The following CPEB3 variants were observed in gnomAD, a reference collection of about 807,000 sequenced individuals.
The protein encoded by CPEB3 is cytoplasmic polyadenylation element-binding protein 3.
A neutral mutation model predicts 67.2 loss-of-function variants in CPEB3; 20 were observed. The ratio of observed to expected loss-of-function variants is 0.30; its 90% CI spans 0.21 to 0.43. The LOEUF (loss-of-function observed/expected upper bound fraction) is 0.43. Ranked by LOEUF, CPEB3 falls within the 20% of genes least tolerant of loss-of-function variation. The pLI is 1.00. For missense variants in CPEB3, 746 were observed against 968.6 expected (o/e 0.77, Z 3.05); for synonymous variants, 376 against 393.1 (o/e 0.96, Z 0.51).
intron 7 of CPEB3, among the ~76,000 whole-genome samples, chr10:92,094,014 C>T (rs1403330669): frequency 6.6e-6 from 1 of 152,022 alleles, no homozygotes; most frequent in African/African-American, 2.4e-5. Context: ...GCCACCACAC[C>T]TGGGTAATTT....
intron 4 of CPEB3, among the ~76,000 whole-genome samples, chr10:92,166,651 T>C (rs1007117714): frequency 6.6e-6 from 1 of 152,214 alleles, no homozygotes; most frequent in Non-Finnish European, 1.5e-5. Flanking sequence ...TGTGCTGTCA[T>C]ACAGGCTTTG....
intron 4 of CPEB3, among the ~76,000 whole-genome samples, chr10:92,155,412 TG>T (rs1023015840): frequency 1.3e-5 from 2 of 152,186 alleles, no homozygotes; most frequent in African/African-American, 4.8e-5. Context: ...AAAATAAGCA[TG>T]AGGAAGTCTG....
chr10:92,157,620 C>G (rs1458705676), intron 4 of CPEB3, among the ~76,000 whole-genome samples: 1 of 152,090 alleles, frequency 6.6e-6, no homozygotes, highest in East Asian at 1.9e-4. Context: ...CGGGGTAAAT[C>G]TGACTCTGAA....
rs545146691 is a variant in CPEB3, at chr10:92,224,271, G to T, written c.1005+15075C>A. On this transcript the variant is annotated intron_variant, in intron 2 of 9. Coordinates refer to ENST00000265997, the MANE Select transcript of CPEB3 (RefSeq NM_014912.5). Reference sequence around the variant, plus strand: ...CACGTTAACTGGTTTCCCGAGTTTGGTTCCTGACAAAGATATCCTAGAGTA... The same window carrying T: ...CACGTTAACTGGTTTCCCGAGTTTGTTTCCTGACAAAGATATCCTAGAGTA... Among the ~76,000 whole-genome samples, 40 of 152,176 alleles carry T rather than the reference G, an allele frequency of 2.6e-4. 1 individual carries two copies. In the South Asian group the frequency reaches 8.3e-3, roughly 32 times the overall value.
chr10:92,229,128 A>C (rs1344839067), intron 2 of CPEB3, among the ~76,000 whole-genome samples: 1 of 151,006 alleles, frequency 6.6e-6, no homozygotes, highest in Non-Finnish European at 1.5e-5. Context: ...GGCTCAAGCA[A>C]TCCTCCTGCC....
intron 1 of CPEB3, among the ~76,000 whole-genome samples, chr10:92,250,738 G>A (rs748318510): frequency 1.3e-5 from 2 of 151,756 alleles, no homozygotes; most frequent in Admixed American, 6.6e-5. Context: ...TGCCCAGGCT[G>A]GAGTGCAGTG....
At chr10:92,157,086 C>T (rs1164553431) in intron 4 of CPEB3, among the ~76,000 whole-genome samples, 1 of 152,216 alleles carries the variant, frequency 6.6e-6, no homozygotes. Context: ...CTGGCTTTAA[C>T]TTGGTCACAC....
intron 2 of CPEB3, among the ~76,000 whole-genome samples, chr10:92,208,500 T>C (rs1363675820): frequency 6.6e-6 from 1 of 152,184 alleles, no homozygotes; most frequent in African/African-American, 2.4e-5. Context: ...ATAGCCTGTG[T>C]GTCCTTTGAG....
intron 6 of CPEB3, 43 bp downstream of exon 6, chr10:92,142,986 T>G: frequency 7.1e-7 from 1 of 1,402,664 alleles, no homozygotes; most frequent in Non-Finnish European, 1.0e-6. Context: ...TGTCATGCTA[T>G]CTCTCCAACA....
At chr10:92,177,835 G>C (rs1178235298) in intron 4 of CPEB3, among the ~76,000 whole-genome samples, 1 of 152,082 alleles carries the variant, frequency 6.6e-6, no homozygotes, top group East Asian at 1.9e-4. Context: ...GGAGAACTGA[G>C]GCCATATCTT....
rs146932484 is a variant in CPEB3, at chr10:92,057,126, C to A, written c.1870-4687G>T. 1.8e-4 allele frequency among the ~76,000 whole-genome samples: 28 copies of A among 152,274 alleles called. No homozygotes were observed. In the East Asian group the frequency reaches 4.8e-3, roughly 26 times the overall value. On this transcript the variant is annotated intron_variant, in intron 9 of 9. Transcript: ENST00000265997. ...GACTTGCTGGCTTCAGGTACCAGTA[C>A]GGCCACAGTTGGGTAGAGCACTGGG...
chr10:92,192,512 C>G lies in CPEB3; in HGVS notation c.1130G>C (p.Ser377Thr). ...KHYPPSGPPM[S>T]FADIMWRNHF... ...ATTCCTCCACATTATATCAGCGAAA[C>G]TCATTGGTGGGCCACTGGGAGGGTA... Residue 377 changes from serine to threonine, a missense_variant, in exon 3 of 10, where the codon AGT becomes ACT. Around this residue, in one of 2 missense-constraint regions of CPEB3, gnomAD observed 643 missense variants for 717.5 expected, o/e 0.90. Transcript: ENST00000265997. 1.4e-5 allele frequency: 23 copies of G among 1,614,036 alleles called. No individual in the cohort carries two copies. The highest frequency in any genetic ancestry group is 1.9e-5 in the Non-Finnish European group (23 of 1,179,978).
chr10:92,205,667 G>A (rs1370259418), intron 2 of CPEB3, among the ~76,000 whole-genome samples: 1 of 151,748 alleles, frequency 6.6e-6, no homozygotes, highest in Non-Finnish European at 1.5e-5. Context: ...AGTAGAGACA[G>A]GATTTCACCA....
intron 6 of CPEB3, among the ~76,000 whole-genome samples, chr10:92,115,525 G>C (rs945073087): frequency 1.3e-5 from 2 of 152,174 alleles, no homozygotes; most frequent in African/African-American, 2.4e-5. Context: ...GGTGCTAATT[G>C]GGCGGAAAAG....
chr10:92,075,966 C>A (rs1402686161), intron 9 of CPEB3, among the ~76,000 whole-genome samples: 1 of 152,182 alleles, frequency 6.6e-6, no homozygotes, highest in Non-Finnish European at 1.5e-5. Context: ...AAAGTTGCAA[C>A]CTGAGGGGAC....
At chr10:92,063,880 G>A (rs1342150058) in intron 9 of CPEB3, among the ~76,000 whole-genome samples, 2 of 152,064 alleles carry the variant, frequency 1.3e-5, no homozygotes, top group African/African-American at 4.8e-5. Context: ...AAGTAGACAA[G>A]CTGGAAAAAG....
rs531461710 is a variant in CPEB3 at position 92,232,465 on chromosome 10, T to C, written c.1005+6881A>G. Among the ~76,000 whole-genome samples, 5 of 151,910 alleles carry C rather than the reference T, an allele frequency of 3.3e-5. No individual in the cohort carries two copies. In the South Asian group the frequency reaches 1.0e-3, roughly 32 times the overall value. The stretch of plus-strand genomic sequence containing the variant: ...ATTACACCTTATACAGCCCTTGAAA[T>C]ACATCAAATTGGGCCAGACATGGTG... On this transcript the variant is annotated intron_variant, in intron 2 of 9. Transcript: ENST00000265997.
At position 92,187,971 on chromosome 10, in the gene CPEB3, G is replaced by A. The variant is rs552426210; in HGVS notation, c.1165+4506C>T. Reference sequence around the variant, plus strand: ...AGCACTTTGGGAGACTGAGGTGGAAGGATTGCTTGAGCTCAGGAGTTCAAG... The same window carrying A: ...AGCACTTTGGGAGACTGAGGTGGAAAGATTGCTTGAGCTCAGGAGTTCAAG... On this transcript the variant is annotated intron_variant, in intron 3 of 9. Transcript: ENST00000265997. Among the ~76,000 whole-genome samples, 5 of 152,186 alleles carry A rather than the reference G, an allele frequency of 3.3e-5. No homozygotes were observed. In the South Asian group the frequency reaches 1.0e-3, roughly 32 times the overall value.
intron 1 of CPEB3, among the ~76,000 whole-genome samples, chr10:92,267,016 A>G (rs995071454): frequency 2.6e-5 from 4 of 152,246 alleles, no homozygotes; most frequent in African/African-American, 9.6e-5. Flanking sequence ...CCTGGGGGAC[A>G]AGAGCAAGAC....
Sources: allele counts gnomAD v4.1 joint callset (sites outside exome capture counted in the v4.1 genomes callset), GRCh38; gene constraint gnomAD v4.1.1; regional missense constraint gnomAD v4.1.1; transcripts MANE v1.5; gene names NCBI Gene and HGNC (gene_info 2026-07-23, HGNC 2026-07-21).